Variants in DMD observed in about 807,000 individuals in gnomAD.
DMD encodes mutant dystrophin.
Under a neutral mutation model 330.1 loss-of-function variants are expected in DMD, and 63 were observed. The observed-to-expected ratio is 0.19, with a 90% CI of 0.16 to 0.24. DMD has a LOEUF of 0.24. DMD is among the 10% of genes least tolerant of loss of function. DMD has a pLI of 1.00. For missense variants in DMD, 3,344 were observed against 2,684.1 expected, an observed-to-expected ratio of 1.25 and a Z score of -5.43; for synonymous variants, 1,223 against 959.8, an observed-to-expected ratio of 1.27 and a Z score of -5.07.
chrX:32,478,447 A>G (rs1038120687), intron 21 of DMD, among the ~76,000 whole-genome samples: 1 of 111,742 alleles, frequency 8.9e-6, no homozygotes. Flanking sequence ...AACATAGACC[A>G]TGACAAAAGT....
chrX:32,245,321 A>T (rs763742579), intron 43 of DMD, among the ~76,000 whole-genome samples: 789 of 66,854 alleles, frequency 0.012, 11 homozygotes, highest in Non-Finnish European at 0.017. Context: ...ATTGATCTAT[A>T]TCTCTGTTTT....
At chrX:33,101,070 G>C (rs2095233104) in intron 1 of DMD, among the ~76,000 whole-genome samples, 1 of 112,082 alleles carries the variant, frequency 8.9e-6, no homozygotes, top group Non-Finnish European at 1.9e-5. Context: ...CACAGCATTT[G>C]AAATTCTTAC....
intron 59 of DMD, among the ~76,000 whole-genome samples, chrX:31,453,788 A>AAAAAAAAAAAAAAAAC (rs1556646267): frequency 1.9e-5 from 2 of 105,013 alleles, no homozygotes; most frequent in African/African-American, 7.0e-5. Context: ...AAAAAAAAAA[A>AAAAAAAAAAAAAAAAC]AACCACAAAA....
At chrX:32,374,761 G>A (rs2097894718) in intron 34 of DMD, among the ~76,000 whole-genome samples, 1 of 111,273 alleles carries the variant, frequency 9.0e-6, no homozygotes, top group Admixed American at 9.6e-5. Context: ...TGTTCTTTTG[G>A]CTTAGGATTG....
At chrX:32,030,349 T>C (rs891632284) in intron 44 of DMD, among the ~76,000 whole-genome samples, 2 of 112,274 alleles carry the variant, frequency 1.8e-5, no homozygotes, top group Middle Eastern at 4.6e-3. Flanking sequence ...CCTCCATTCA[T>C]TATATTTAGC....
chrX:32,554,371 T>TA (rs2049927675), intron 16 of DMD, among the ~76,000 whole-genome samples: 1 of 111,112 alleles, frequency 9.0e-6, no homozygotes, highest in Non-Finnish European at 1.9e-5. Context: ...GACTTCTAGT[T>TA]AGACTAATAA....
intron 51 of DMD, among the ~76,000 whole-genome samples, chrX:31,761,530 T>C (rs752808776): frequency 2.7e-5 from 3 of 112,225 alleles, no homozygotes; most frequent in Non-Finnish European, 5.6e-5. Context: ...ACTGGTAATG[T>C]TTTTATTGCT....
chrX:32,505,316 T>C (rs1569564989), intron 18 of DMD, among the ~76,000 whole-genome samples: 1 of 112,142 alleles, frequency 8.9e-6, no homozygotes, highest in East Asian at 2.8e-4. Flanking sequence ...CTCTTAAAAC[T>C]CAGTAACAAA....
intron 43 of DMD, among the ~76,000 whole-genome samples, chrX:32,226,088 C>A (rs1001744113): frequency 9.0e-5 from 10 of 111,704 alleles, no homozygotes; most frequent in African/African-American, 2.6e-4. Context: ...TTCTCTCTAG[C>A]CCCACTGTCG....
At chrX:32,603,401 C>T (rs1020922940) in intron 12 of DMD, among the ~76,000 whole-genome samples, 3 of 110,794 alleles carry the variant, frequency 2.7e-5, no homozygotes, top group African/African-American at 9.8e-5. Flanking sequence ...CTGCCTACAC[C>T]AAAAAGATAG....
chrX:32,316,081 C>T (rs1416809809), intron 41 of DMD, among the ~76,000 whole-genome samples: 1 of 111,261 alleles, frequency 9.0e-6, no homozygotes, highest in Non-Finnish European at 1.9e-5. Flanking sequence ...TAATAATATG[C>T]ATATTGTGAT....
At chrX:33,208,366 A>T (rs919614067) in intron 1 of DMD, among the ~76,000 whole-genome samples, 1 of 111,525 alleles carries the variant, frequency 9.0e-6, no homozygotes, top group African/African-American at 3.3e-5. Flanking sequence ...CTCTTCATAC[A>T]GAGGTGATTT....
chrX:32,205,043 CCA>C (rs201384394), intron 44 of DMD, among the ~76,000 whole-genome samples: 2,609 of 33,426 alleles, frequency 0.078, 140 homozygotes, highest in African/African-American at 0.19. Context: ...ACACACACAC[CCA>C]CACACACACA....
intron 29 of DMD, among the ~76,000 whole-genome samples, chrX:32,417,700 T>G (rs962527481): frequency 1.3e-4 from 14 of 110,437 alleles, no homozygotes; most frequent in Non-Finnish European, 1.1e-4. Flanking sequence ...TCAAGAGGCT[T>G]GAAGATGTTT....
intron 7 of DMD, among the ~76,000 whole-genome samples, chrX:32,759,879 G>C (rs1254401765): frequency 9.8e-6 from 1 of 102,275 alleles, no homozygotes; most frequent in Non-Finnish European, 2.0e-5. Flanking sequence ...ACCCAGGCAG[G>C]CCCATGTGAT....
At chrX:31,180,307 T>C in intron 69 of DMD, 63 bp downstream of exon 69, 2 of 761,483 alleles carry the variant, frequency 2.6e-6, no homozygotes, top group Non-Finnish European at 4.1e-6. Flanking sequence ...TCTGCAGTAT[T>C]GTACAAAACT....
intron 63 of DMD, among the ~76,000 whole-genome samples, chrX:31,249,066 G>A (rs1411479559): frequency 8.9e-6 from 1 of 111,848 alleles, no homozygotes. Flanking sequence ...TAACTAGAGG[G>A]TTTATGTTTT....
intron 13 of DMD, among the ~76,000 whole-genome samples, chrX:32,585,590 C>T (rs1276414992): frequency 9.6e-6 from 1 of 104,505 alleles, no homozygotes; most frequent in Non-Finnish European, 2.0e-5. Context: ...GTCCCAGCTA[C>T]TCGGGAGTCT....
intron 51 of DMD, among the ~76,000 whole-genome samples, chrX:31,761,853 T>A (rs1256266319): frequency 1.8e-5 from 2 of 112,229 alleles, no homozygotes; most frequent in Non-Finnish European, 3.8e-5. Flanking sequence ...ACTGCTTATG[T>A]CCAAAGAAGA....
Sources: gnomAD v4.1 joint callset for allele counts (sites outside exome capture counted in the v4.1 genomes callset) on GRCh38, gnomAD v4.1.1 for gene constraint, MANE v1.5 for transcripts, NCBI Gene and HGNC (gene_info 2026-07-23, HGNC 2026-07-21) for gene names.